The following OSBPL3 variants were observed in gnomAD, a reference collection of about 807,000 sequenced individuals.
The protein encoded by OSBPL3 is oxysterol binding protein like 3.
Under a neutral mutation model 120.1 loss-of-function variants are expected in OSBPL3, and 65 were observed. That is an observed-to-expected ratio of 0.54 (90% CI 0.44 to 0.67). The LOEUF (loss-of-function observed/expected upper bound fraction) is 0.67. Among genes scored for constraint, OSBPL3 ranks in the 30% least tolerant of loss-of-function variants. OSBPL3 has a pLI of 0.00. For synonymous variants in OSBPL3, 416 were observed against 402.6 expected, an observed-to-expected ratio of 1.03 and a Z score of -0.40; for missense variants, 1,004 against 1,082.1, an observed-to-expected ratio of 0.93 and a Z score of 1.01.
At chr7:24,903,970 C>T (rs558616106) in intron 1 of OSBPL3, among the ~76,000 whole-genome samples, 1 of 150,082 alleles carries the variant, frequency 6.7e-6, no homozygotes, top group South Asian at 2.1e-4. Context: ...GCAACCTCTG[C>T]CTCCCAGGTT....
At chr7:24,925,267 G>T (rs532534893) in intron 1 of OSBPL3, among the ~76,000 whole-genome samples, 1 of 152,236 alleles carries the variant, frequency 6.6e-6, no homozygotes, top group South Asian at 2.1e-4. Context: ...GTAGAGGGTG[G>T]GTGGTTAGCC....
At position 24,922,471 on chromosome 7, in the gene OSBPL3, C is replaced by T. The variant is rs1810516401; in HGVS notation, c.-149-29850G>A. On this transcript the variant is annotated intron_variant, in intron 1 of 22. Transcript: ENST00000313367. This position sits in a 1 kb window ranked among gnomAD's most constrained non-coding sequence, Gnocchi z 4.3. ...TAAGTTTTCGGTGGATACTGTGGTG[C>T]TTTTAGAGTTTGATTCTAGAAACAT... 6.6e-6 allele frequency among the ~76,000 whole-genome samples: 1 copy of T among 152,130 alleles called. No homozygotes were observed. Among genetic ancestry groups the T allele is most frequent in the South Asian group, 2.1e-4 (1 of 4,818 alleles).
chr7:24,922,099 AT>A lies in OSBPL3; in HGVS notation c.-149-29479del, dbSNP rs1810456674. ...TAACATTGTTAGTATTGTGAATGCAATTTACTTTTTAAATACTGTAAAGTAA... is the reference window on the plus strand; with the variant it reads ...TAACATTGTTAGTATTGTGAATGCAATTACTTTTTAAATACTGTAAAGTAA... On this transcript the variant is annotated intron_variant, in intron 1 of 22. Coordinates refer to ENST00000313367, the MANE Select transcript of OSBPL3 (RefSeq NM_015550.4). This position sits in a 1 kb window ranked among gnomAD's most constrained non-coding sequence, Gnocchi z 4.3. Among the ~76,000 whole-genome samples, 1 of 152,206 alleles carries A rather than the reference AT, an allele frequency of 6.6e-6. No individual in the cohort carries two copies. The highest frequency in any genetic ancestry group is 1.5e-5 in the Non-Finnish European group (1 of 68,032).
At chr7:24,971,566 G>A (rs1177871494) in intron 1 of OSBPL3, among the ~76,000 whole-genome samples, 1 of 152,188 alleles carries the variant, frequency 6.6e-6, no homozygotes, top group African/African-American at 2.4e-5. Context: ...CCACAGCTGA[G>A]GGGAATGGGG....
In OSBPL3 at chr7:24,965,004, C is replaced by T. The variant is rs1370588047; in HGVS notation, c.-150+14882G>A. ...CATGTTGTATTAATTAATTATTGTG[C>T]TTTTCTTATTATTTGTAATTGAGAC... On this transcript the variant is annotated intron_variant, in intron 1 of 22. Coordinates refer to ENST00000313367, the MANE Select transcript of OSBPL3 (RefSeq NM_015550.4). This position sits in a 1 kb window ranked among gnomAD's most constrained non-coding sequence, Gnocchi z 4.3. Among the ~76,000 whole-genome samples the T allele has an allele frequency of 6.6e-6, 1 of 152,030 alleles. No individual in the cohort carries two copies. The highest frequency in any genetic ancestry group is 1.5e-5 in the Non-Finnish European group (1 of 67,992).
At chr7:24,843,975 C>T (rs1323288463) in intron 12 of OSBPL3, among the ~76,000 whole-genome samples, 9 of 152,242 alleles carry the variant, frequency 5.9e-5, no homozygotes, top group Admixed American at 5.9e-4. Context: ...TTACTAGTCA[C>T]TCCTGCCATC....
In OSBPL3 at chr7:24,916,670, T is replaced by C. The variant is rs1303015778; in HGVS notation, c.-149-24049A>G. The stretch of plus-strand genomic sequence containing the variant: ...ACTGTTGGAGAAACATTATGTGCCA[T>C]GCTCTAAGGTGAAAGAATCTGCCTA... On this transcript the variant is annotated intron_variant, in intron 1 of 22. Transcript: ENST00000313367. This position sits in a 1 kb window ranked among gnomAD's most constrained non-coding sequence, Gnocchi z 4.9. Among the ~76,000 whole-genome samples the C allele has an allele frequency of 6.6e-6, 1 of 152,080 alleles. No individual in the cohort carries two copies. Among genetic ancestry groups the C allele is most frequent in the African/African-American group, 2.4e-5 (1 of 41,404 alleles).
At chr7:24,843,235 C>T (rs1245658519) in intron 12 of OSBPL3, among the ~76,000 whole-genome samples, 1 of 152,012 alleles carries the variant, frequency 6.6e-6, no homozygotes, top group African/African-American at 2.4e-5. Flanking sequence ...TCAGACCAGG[C>T]CTGTGGAATA....
chr7:24,860,886 A>G (rs1258606811), intron 10 of OSBPL3, among the ~76,000 whole-genome samples: 2 of 152,210 alleles, frequency 1.3e-5, no homozygotes, highest in African/African-American at 4.8e-5. Context: ...CTTGCTTTGA[A>G]CATGGGTATA....
rs1174566621 is a variant in OSBPL3, at chr7:24,917,454, C to CAT, written c.-149-24835_-149-24834dup. ...TGTAACATATATATATATACACACA[C>CAT]ATATATATATATATACACACACACA... On this transcript the variant is annotated intron_variant, in intron 1 of 22. Coordinates refer to ENST00000313367, the MANE Select transcript of OSBPL3 (RefSeq NM_015550.4). Among the ~76,000 whole-genome samples, 194 of 84,534 alleles carry CAT rather than the reference C, an allele frequency of 2.3e-3. 1 individual carries two copies. Among genetic ancestry groups the CAT allele is most frequent in the Non-Finnish European group, 3.6e-3 (156 of 43,892 alleles). The allele number at this position is 84,534 out of a possible 152,430, so 55.5% of individuals were successfully genotyped here.
At chr7:24,909,223 A>G (rs1355627952) in intron 1 of OSBPL3, among the ~76,000 whole-genome samples, 3 of 152,190 alleles carry the variant, frequency 2.0e-5, no homozygotes, top group African/African-American at 7.2e-5. Context: ...CTTCTTTAAT[A>G]ATAGAACTCT....
rs1802073404 is a variant in OSBPL3 at position 24,871,299 on chromosome 7, C to T, written c.267+443G>A. 6.6e-6 allele frequency among the ~76,000 whole-genome samples: 1 copy of T among 152,164 alleles called. No homozygotes were observed. The highest frequency in any genetic ancestry group is 2.4e-5 in the African/African-American group (1 of 41,446). On this transcript the variant is annotated intron_variant, in intron 4 of 22. Transcript: ENST00000313367. This position sits in a 1 kb window ranked among gnomAD's most constrained non-coding sequence, Gnocchi z 4.8. The stretch of plus-strand genomic sequence containing the variant: ...GGAAGAAGGGAGAAGAGTAGGACTC[C>T]TACAAGGGACAGGACAAATGGTCAT...
At chr7:24,848,995 G>T in intron 12 of OSBPL3, 74 bp downstream of exon 12, 1 of 1,027,016 alleles carries the variant, frequency 9.7e-7, no homozygotes, top group Non-Finnish European at 1.5e-6. Context: ...CAGGGAGGTC[G>T]TGCAATGGGA....
In OSBPL3 at chr7:24,919,296, C is replaced by A. The variant is rs182245665; in HGVS notation, c.-149-26675G>T. Among the ~76,000 whole-genome samples the A allele has an allele frequency of 4.3e-4, 65 of 152,180 alleles. 1 individual carries two copies. In the East Asian group the frequency reaches 0.011, roughly 27 times the overall value. ...CAGGCACCAAGACAACGTGTCCTAG[C>A]ATAAAGACAGACATACAGATCAGTG... On this transcript the variant is annotated intron_variant, in intron 1 of 22. Coordinates refer to ENST00000313367, the MANE Select transcript of OSBPL3 (RefSeq NM_015550.4).
At chr7:24,843,482 C>T (rs1168443384) in intron 12 of OSBPL3, among the ~76,000 whole-genome samples, 1 of 152,004 alleles carries the variant, frequency 6.6e-6, no homozygotes, top group Non-Finnish European at 1.5e-5. Flanking sequence ...TATATCTTGC[C>T]CAGAAATTGT....
chr7:24,960,315 G>A (rs1355399681), intron 1 of OSBPL3, among the ~76,000 whole-genome samples: 1 of 152,058 alleles, frequency 6.6e-6, no homozygotes, highest in South Asian at 2.1e-4. Context: ...CGCTAGTGTG[G>A]TATATAAATG....
chr7:24,836,236 T>A (rs544416116), intron 14 of OSBPL3, among the ~76,000 whole-genome samples: 1 of 152,302 alleles, frequency 6.6e-6, no homozygotes, highest in East Asian at 1.9e-4. Flanking sequence ...AACTTCCCCA[T>A]TTATCGGCAG....
chr7:24,946,856 T>C lies in OSBPL3; in HGVS notation c.-150+33030A>G, dbSNP rs1004650235. Among the ~76,000 whole-genome samples, 1 of 152,248 alleles carries C rather than the reference T, an allele frequency of 6.6e-6. No individual in the cohort carries two copies. The highest frequency in any genetic ancestry group is 2.4e-5 in the African/African-American group (1 of 41,462). Reference sequence around the variant, plus strand: ...TGAGGAGAGAGAGAAATTGACTCCATCTATATCATCTGCTTTGTGAGGATA... The same window carrying C: ...TGAGGAGAGAGAGAAATTGACTCCACCTATATCATCTGCTTTGTGAGGATA... On this transcript the variant is annotated intron_variant, in intron 1 of 22. Coordinates refer to ENST00000313367, the MANE Select transcript of OSBPL3 (RefSeq NM_015550.4). The surrounding 1 kb of genome is among the most constrained non-coding windows in gnomAD (Gnocchi z 4.3).
intron 1 of OSBPL3, among the ~76,000 whole-genome samples, chr7:24,928,292 C>A (rs1424954395): frequency 6.6e-6 from 1 of 151,282 alleles, no homozygotes; most frequent in Admixed American, 6.6e-5. Flanking sequence ...CCCAGGTTCA[C>A]GCCATTCTCC....
Sources: allele counts gnomAD v4.1 joint callset (sites outside exome capture counted in the v4.1 genomes callset), GRCh38; gene constraint gnomAD v4.1.1; non-coding constraint Gnocchi (gnomAD v3.1); transcripts MANE v1.5; gene names NCBI Gene and HGNC (gene_info 2026-07-23, HGNC 2026-07-21).